PAX5: variants seen among roughly 807,000 people sequenced by gnomAD.
The protein encoded by PAX5 is paired box protein Pax-5.
A neutral mutation model predicts 43.7 loss-of-function variants in PAX5; 9 were observed. That is an observed-to-expected ratio of 0.21 (90% CI 0.12 to 0.36). PAX5 has a LOEUF of 0.36. Ranked by LOEUF, PAX5 falls within the 10% of genes least tolerant of loss-of-function variation. The pLI, the probability that PAX5 is intolerant of heterozygous loss-of-function variation, is 1.00. For missense variants in PAX5, 383 were observed against 532.7 expected (o/e 0.72, Z 2.77); for synonymous variants, 228 against 214.3 (o/e 1.06, Z -0.56).
chr9:36,847,700 C>T (rs1822726372), intron 8 of PAX5, among the ~76,000 whole-genome samples: 1 of 152,138 alleles, frequency 6.6e-6, no homozygotes, highest in Non-Finnish European at 1.5e-5. Context: ...CATTGTGGGG[C>T]ATGGTGGGAC....
At chr9:36,976,377 G>T (rs372491267) in intron 5 of PAX5, among the ~76,000 whole-genome samples, 2 of 152,192 alleles carry the variant, frequency 1.3e-5, no homozygotes, top group Non-Finnish European at 2.9e-5. Context: ...CAGGGAGGGG[G>T]GTCCTGGAGA....
intron 7 of PAX5, among the ~76,000 whole-genome samples, chr9:36,899,849 C>G (rs1306977601): frequency 6.6e-6 from 1 of 152,212 alleles, no homozygotes; most frequent in African/African-American, 2.4e-5. Context: ...CTGCCACAAC[C>G]CCCATCCCAA....
intron 8 of PAX5, among the ~76,000 whole-genome samples, chr9:36,878,916 A>T (rs914811488): frequency 6.6e-6 from 1 of 152,226 alleles, no homozygotes; most frequent in African/African-American, 2.4e-5. Context: ...GATGCATGAG[A>T]AGAGACAGCA....
chr9:36,871,831 T>C (rs28502690), intron 8 of PAX5, among the ~76,000 whole-genome samples: 7,717 of 152,236 alleles, frequency 0.051, 233 homozygotes, highest in South Asian at 0.14. Flanking sequence ...CCCCCAGCAC[T>C]GCACACTTCC....
At chr9:36,863,642 G>A (rs1236887325) in intron 8 of PAX5, among the ~76,000 whole-genome samples, 2 of 152,222 alleles carry the variant, frequency 1.3e-5, no homozygotes, top group Non-Finnish European at 1.5e-5. Flanking sequence ...GAACCAGTGA[G>A]CCTACTAGGC....
intron 4 of PAX5, among the ~76,000 whole-genome samples, chr9:37,005,613 G>A (rs1838322196): frequency 6.6e-6 from 1 of 152,216 alleles, no homozygotes; most frequent in South Asian, 2.1e-4. Context: ...CACCGTGTGA[G>A]TTCAAGTTCT....
At chr9:36,988,383 T>C (rs766052251) in intron 5 of PAX5, among the ~76,000 whole-genome samples, 2 of 151,980 alleles carry the variant, frequency 1.3e-5, no homozygotes, top group Non-Finnish European at 2.9e-5. Context: ...AAAATGATCA[T>C]TAAAAAAGAA....
rs944906811 is a variant in PAX5 at position 36,985,208 on chromosome 9, A to G, written c.604+17440T>C. On this transcript the variant is annotated intron_variant, in intron 5 of 9. Coordinates refer to ENST00000358127, the MANE Select transcript of PAX5 (RefSeq NM_016734.3). ...GTGGCACCAGGGATCTCTGAGTGCC[A>G]TGACAAAGGGAAAAGCCCTCAGCAA... Among the ~76,000 whole-genome samples, 11 of 152,216 alleles carry G rather than the reference A, an allele frequency of 7.2e-5. 1 individual carries two copies. Among genetic ancestry groups the G allele is most frequent in the Admixed American group, 3.3e-4 (5 of 15,290 alleles).
intron 6 of PAX5, among the ~76,000 whole-genome samples, chr9:36,940,114 G>A (rs1269428392): frequency 1.3e-5 from 2 of 152,298 alleles, no homozygotes; most frequent in South Asian, 2.1e-4. Flanking sequence ...GCTCAGCCCC[G>A]GAGATGTTCT....
intron 1 of PAX5, among the ~76,000 whole-genome samples, chr9:37,027,611 C>A (rs563436319): frequency 6.6e-5 from 10 of 152,348 alleles, no homozygotes; most frequent in Admixed American, 5.2e-4. Context: ...GCGTTGCCGC[C>A]GCCGCCGCCG....
At chr9:36,889,759 GA>G (rs1384101120) in intron 7 of PAX5, among the ~76,000 whole-genome samples, 10 of 152,340 alleles carry the variant, frequency 6.6e-5, no homozygotes, top group Middle Eastern at 3.4e-3. Context: ...TTAATCATAT[GA>G]CATTGGGTCT....
chr9:36,886,029 G>A (rs1826875769), intron 7 of PAX5, among the ~76,000 whole-genome samples: 1 of 152,072 alleles, frequency 6.6e-6, no homozygotes, highest in African/African-American at 2.4e-5. Flanking sequence ...ATGTGTGCTT[G>A]TGTGGCTGGG....
intron 6 of PAX5, among the ~76,000 whole-genome samples, chr9:36,929,255 AAGG>A (rs1563978814): frequency 5.6e-4 from 45 of 80,938 alleles, no homozygotes; most frequent in Non-Finnish European, 8.3e-4. Flanking sequence ...GGAAGGAAGG[AAGG>A]AAGGAAGGAA....
intron 5 of PAX5, among the ~76,000 whole-genome samples, chr9:36,971,406 C>A (rs1834916742): frequency 6.6e-6 from 1 of 152,212 alleles, no homozygotes; most frequent in African/African-American, 2.4e-5. Context: ...AACCTCCAGG[C>A]CTCCAGTGTA....
intron 7 of PAX5, among the ~76,000 whole-genome samples, chr9:36,897,678 C>T (rs1048978496): frequency 1.3e-5 from 2 of 152,204 alleles, no homozygotes; most frequent in Non-Finnish European, 2.9e-5. Flanking sequence ...ATCCAGGTTT[C>T]CTTTCCCAGG....
At chr9:36,988,116 G>C (rs73438931) in intron 5 of PAX5, among the ~76,000 whole-genome samples, 4,995 of 152,180 alleles carry the variant, frequency 0.033, 267 homozygotes, top group African/African-American at 0.11. Context: ...GGTCCTAACC[G>C]AGGCTCCGGA....
At chr9:37,024,728 G>C (rs1394030687) in intron 1 of PAX5, among the ~76,000 whole-genome samples, 1 of 152,214 alleles carries the variant, frequency 6.6e-6, no homozygotes, top group Non-Finnish European at 1.5e-5. Context: ...AGGAGGCACA[G>C]ACATTAGCGG....
At chr9:37,018,570 C>CAAAAAAAAAAAAAAAA (rs1222049885) in intron 2 of PAX5, among the ~76,000 whole-genome samples, 9 of 71,002 alleles carry the variant, frequency 1.3e-4, no homozygotes, top group African/African-American at 3.5e-4. Context: ...CTTCAGTGAC[C>CAAAAAAAAAAAAAAAA]AAAAAAAAAA....
intron 6 of PAX5, among the ~76,000 whole-genome samples, chr9:36,943,838 T>C (rs918800346): frequency 2.6e-5 from 4 of 152,052 alleles, no homozygotes; most frequent in African/African-American, 4.8e-5. Context: ...AAAAAATATA[T>C]GGAGGTATGG....
Sources: allele counts gnomAD v4.1 joint callset (sites outside exome capture counted in the v4.1 genomes callset), GRCh38; gene constraint gnomAD v4.1.1; transcripts MANE v1.5; gene names NCBI Gene and HGNC (gene_info 2026-07-23, HGNC 2026-07-21).